The following SLC25A27 variants were observed in gnomAD, a reference collection of about 807,000 sequenced individuals.
The protein encoded by SLC25A27 is mitochondrial uncoupling protein 4.
In SLC25A27, 35 loss-of-function variants were observed where a neutral mutation model predicts 49.1. That is an observed-to-expected ratio of 0.71 (90% CI 0.54 to 0.95). The LOEUF is 0.95. Among genes scored for constraint, SLC25A27 ranks in the 40% least tolerant of loss-of-function variants. The pLI is 0.00. For synonymous variants in SLC25A27, 144 were observed against 136.9 expected, an observed-to-expected ratio of 1.05 and a Z score of -0.36; for missense variants, 339 against 397.1, an observed-to-expected ratio of 0.85 and a Z score of 1.24.
intron 8 of SLC25A27, among the ~76,000 whole-genome samples, chr6:46,671,470 T>A (rs907851154): frequency 6.6e-6 from 1 of 152,124 alleles, no homozygotes; most frequent in African/African-American, 2.4e-5. Flanking sequence ...ATAGTCTTGT[T>A]ATAAAGCCAG....
At chr6:46,660,177 G>A (rs1313969048) in intron 3 of SLC25A27, among the ~76,000 whole-genome samples, 2 of 151,434 alleles carry the variant, frequency 1.3e-5, no homozygotes, top group South Asian at 2.1e-4. Context: ...GTGCACTAAT[G>A]AGCTGAAAGA....
rs375242786 is a variant in SLC25A27 at position 46,675,268 on chromosome 6, T to C, written c.901-1115T>C. On this transcript the variant is annotated intron_variant, in intron 8 of 8. Coordinates refer to ENST00000371347, the MANE Select transcript of SLC25A27 (RefSeq NM_004277.5). ...TATAATGTCATTAACATGAAGAAGA[T>C]TGATTACCACAGCAATTAAGAATGA... Among the ~76,000 whole-genome samples, 25 of 152,304 alleles carry C rather than the reference T, an allele frequency of 1.6e-4. No homozygotes were observed. In the South Asian group the frequency reaches 4.8e-3, roughly 29 times the overall value.
Position 46,668,770 on chromosome 6 carries a change from T to G in SLC25A27, c.681T>G (p.Asn227Lys). 6.2e-7 allele frequency: 1 copy of G among 1,605,210 alleles called. No individual in the cohort carries two copies. Among genetic ancestry groups the G allele is most frequent in the Non-Finnish European group, 8.5e-7 (1 of 1,172,096 alleles). The change falls in exon 6 of 9, where the codon AAT becomes AAG. Residue 227 changes from asparagine to lysine, a missense_variant. Asn to Lys is a moderately conservative substitution (Grantham distance 94). Transcript: ENST00000371347. Reference sequence around the variant, plus strand: ...TATTGAATACACCACTTGAGGACAATATCATGACTCACGGTTTATCAAGGT... The same window carrying G: ...TATTGAATACACCACTTGAGGACAAGATCATGACTCACGGTTTATCAAGGT... ...YLVLNTPLED[N>K]IMTHGLSSLC...
intron 5 of SLC25A27, among the ~76,000 whole-genome samples, chr6:46,666,477 T>C (rs543790814): frequency 2.0e-5 from 3 of 152,348 alleles, no homozygotes; most frequent in Non-Finnish European, 4.4e-5. Context: ...TCTAGAAATA[T>C]AGCACCTAAA....
chr6:46,662,429 A>G lies in SLC25A27; in HGVS notation c.437A>G (p.Asn146Ser). The G allele has an allele frequency of 7.4e-6, 12 of 1,614,000 alleles. No individual in the cohort carries two copies. Among genetic ancestry groups the G allele is most frequent in the Non-Finnish European group, 1.0e-5 (12 of 1,179,866 alleles). The change falls in exon 4 of 9, where the codon AAT (asparagine) becomes AGT (serine). Residue 146 changes from asparagine to serine, a missense_variant. Asn to Ser is a conservative substitution (Grantham distance 46). Transcript: ENST00000371347. Reference protein sequence around the residue: ...MAGVIGQFLANPTDLVKVQMQ... With the variant: ...MAGVIGQFLASPTDLVKVQMQ... ...GGTGTTATTGGCCAGTTTTTAGCCA[A>G]TCCAACTGACCTAGTGAAGGTTCAG...
Position 46,664,818 on chromosome 6 carries a change from G to C in SLC25A27, c.551G>C (p.Gly184Ala). The change falls in exon 5 of 9, where the codon GGA becomes GCA. Residue 184 changes from glycine to alanine, a missense_variant. Coordinates refer to ENST00000371347, the MANE Select transcript of SLC25A27 (RefSeq NM_004277.5). ...GCATTTGCAAAAATCTTAGCTGAAG[G>C]AGGAATACGAGGGCTTTGGGCAGGC... is the stretch of plus-strand genomic sequence containing the variant. ...HHAFAKILAEGGIRGLWAGWV... is the reference protein window; with the variant it reads ...HHAFAKILAEAGIRGLWAGWV... 6.2e-7 allele frequency: 1 copy of C among 1,609,644 alleles called. No homozygotes were observed. The highest frequency in any genetic ancestry group is 8.5e-7 in the Non-Finnish European group (1 of 1,177,672).
chr6:46,668,391 A>T (rs1035462012), intron 5 of SLC25A27, among the ~76,000 whole-genome samples: 9 of 152,192 alleles, frequency 5.9e-5, no homozygotes, highest in African/African-American at 2.2e-4. Context: ...TTTATAAGTG[A>T]CAGGATCTCA....
chr6:46,658,285 A>G (rs1763052667), intron 2 of SLC25A27, among the ~76,000 whole-genome samples: 1 of 152,224 alleles, frequency 6.6e-6, no homozygotes, highest in Non-Finnish European at 1.5e-5. Context: ...AACATCAAGA[A>G]AAGCTCTCTA....
At chr6:46,671,019 C>T (rs71566587) in intron 7 of SLC25A27, 107 bp from the exon 8 acceptor site, 23 of 764,544 alleles carry the variant, frequency 3.0e-5, no homozygotes, top group African/African-American at 1.3e-4. Context: ...CGTAAGCCAC[C>T]GCGCCCGGCC....
intron 6 of SLC25A27, among the ~76,000 whole-genome samples, chr6:46,669,237 T>C (rs1763432346): frequency 6.6e-6 from 1 of 152,108 alleles, no homozygotes; most frequent in Non-Finnish European, 1.5e-5. Context: ...AGCAACTAGT[T>C]ACTACAGGGT....
chr6:46,669,608 G>A (rs2150651294), intron 6 of SLC25A27, among the ~76,000 whole-genome samples: 1 of 152,296 alleles, frequency 6.6e-6, no homozygotes, highest in Non-Finnish European at 1.5e-5. Context: ...ACACACGCAT[G>A]TGAATTTAAC....
Position 46,662,438 on chromosome 6 carries a change from AC to A in SLC25A27, c.448del (p.Leu150Ter), listed in dbSNP as rs755442499. On this transcript the variant is annotated frameshift_variant, in exon 4 of 9. Transcript: ENST00000371347. LOFTEE classifies it high-confidence loss of function. ...GGCCAGTTTTTAGCCAATCCAACTG[AC>A]CTAGTGAAGGTTCAGATGCAAATGG... ...VIGQFLANPT[D>X]LVKVQMQMEG... is the part of the protein sequence containing the mutation. 1 of 1,613,884 alleles carries A rather than the reference AC, an allele frequency of 6.2e-7. No homozygotes were observed. Among genetic ancestry groups the A allele is most frequent in the South Asian group, 1.1e-5 (1 of 91,068 alleles).
At position 46,656,030 on chromosome 6, in the gene SLC25A27, C is replaced by T. The variant is rs117390601; in HGVS notation, c.294C>T (p.His98=). ...WQGVTPAIYR[H]VVYSGGRMVT... ...GAGTGACACCCGCCATTTACAGACA[C>T]GTAGGTATTTATCTTGATTCTAGCT... Residue 98 remains histidine, a synonymous_variant, in exon 2 of 9, where the codon CAC becomes CAT. Transcript: ENST00000371347. 31 of 1,605,712 alleles carry T rather than the reference C, an allele frequency of 1.9e-5. No homozygotes were observed. The East Asian group carries it at 5.6e-4, about 29-fold the overall frequency.
rs565250541 is a variant in SLC25A27, at chr6:46,676,168, A to G, written c.901-215A>G. ...AGGGATATTAATATCTTTCCTTTCT[A>G]TTGTAAGATGTTGTTTAGAGAAATC... On this transcript the variant is annotated intron_variant, in intron 8 of 8. Coordinates refer to ENST00000371347, the MANE Select transcript of SLC25A27 (RefSeq NM_004277.5). Among the ~76,000 whole-genome samples the G allele has an allele frequency of 4.6e-5, 7 of 152,306 alleles. No individual in the cohort carries two copies. The East Asian group carries it at 5.8e-4, about 13-fold the overall frequency.
intron 2 of SLC25A27, among the ~76,000 whole-genome samples, chr6:46,657,220 T>C (rs941271356): frequency 3.3e-5 from 5 of 152,136 alleles, no homozygotes; most frequent in Non-Finnish European, 5.9e-5. Flanking sequence ...TCCAGCACTT[T>C]GGGAGGCACA....
At chr6:46,663,014 T>C (rs778954298) in intron 4 of SLC25A27, among the ~76,000 whole-genome samples, 1 of 152,220 alleles carries the variant, frequency 6.6e-6, no homozygotes, top group Non-Finnish European at 1.5e-5. Context: ...CCAACTTTCT[T>C]GTTGAATCTC....
chr6:46,673,141 A>C (rs1763618519), intron 8 of SLC25A27, among the ~76,000 whole-genome samples: 1 of 152,252 alleles, frequency 6.6e-6, no homozygotes, highest in Non-Finnish European at 1.5e-5. Context: ...TGAGATGTAG[A>C]AGTTAAACAT....
At chr6:46,654,302 G>C (rs1762888850) in intron 1 of SLC25A27, among the ~76,000 whole-genome samples, 1 of 152,062 alleles carries the variant, frequency 6.6e-6, no homozygotes, top group Non-Finnish European at 1.5e-5. Context: ...TTTAATTCTA[G>C]CATAGCCAGC....
At chr6:46,658,429 G>A (rs1000262228) in intron 2 of SLC25A27, 4 of 396,180 alleles carry the variant, frequency 1.0e-5, no homozygotes, top group Non-Finnish European at 2.0e-5. Flanking sequence ...TTACAGCTAA[G>A]ATTCATTTCA....
Sources: allele counts gnomAD v4.1 joint callset (sites outside exome capture counted in the v4.1 genomes callset), GRCh38; gene constraint gnomAD v4.1.1; transcripts MANE v1.5; gene names NCBI Gene and HGNC (gene_info 2026-07-23, HGNC 2026-07-21).